BABAM2: variants seen among roughly 807,000 people sequenced by gnomAD.
BABAM2 encodes BRISC and BRCA1-A complex member 2.
Under a neutral mutation model 54.7 loss-of-function variants are expected in BABAM2, and 31 were observed. That is an observed-to-expected ratio of 0.57 (90% confidence interval 0.43 to 0.77). The LOEUF (loss-of-function observed/expected upper bound fraction) is 0.77. Ranked by LOEUF, BABAM2 falls within the 30% of genes least tolerant of loss-of-function variation. BABAM2 has a pLI of 0.00. For synonymous variants in BABAM2, 167 were observed against 162.9 expected (o/e 1.03, Z -0.19); for missense variants, 364 against 455.8 (o/e 0.80, Z 1.83).
At chr2:28,144,014 C>T (rs866687611) in intron 7 of BABAM2, among the ~76,000 whole-genome samples, 4 of 152,182 alleles carry the variant, frequency 2.6e-5, no homozygotes, top group African/African-American at 4.8e-5. Flanking sequence ...CACTGCTTTG[C>T]GGTAACATTT....
At chr2:28,297,040 C>T (rs547890551) in intron 10 of BABAM2, among the ~76,000 whole-genome samples, 12 of 152,218 alleles carry the variant, frequency 7.9e-5, no homozygotes, top group East Asian at 1.9e-4. Context: ...GCTAAAAAGA[C>T]GAACCTTATA....
intron 11 of BABAM2, among the ~76,000 whole-genome samples, chr2:28,321,103 AC>A (rs1293322948): frequency 1.3e-5 from 2 of 152,148 alleles, no homozygotes; most frequent in Non-Finnish European, 2.9e-5. Flanking sequence ...TGTTGAGTTA[AC>A]GTGAAACAGG....
At chr2:27,901,971 A>T (rs571160899) in intron 2 of BABAM2, among the ~76,000 whole-genome samples, 40 of 152,300 alleles carry the variant, frequency 2.6e-4, no homozygotes, top group African/African-American at 8.9e-4. Context: ...GTATAAAGTT[A>T]ATGAGATTTA....
At chr2:28,006,402 C>A (rs1358855982) in intron 4 of BABAM2, among the ~76,000 whole-genome samples, 2 of 152,104 alleles carry the variant, frequency 1.3e-5, no homozygotes, top group East Asian at 1.9e-4. Context: ...CATATAGAGG[C>A]ATCTTTAGAT....
intron 5 of BABAM2, among the ~76,000 whole-genome samples, chr2:28,029,664 G>A (rs540949214): frequency 6.6e-6 from 1 of 152,194 alleles, no homozygotes; most frequent in East Asian, 1.9e-4. Context: ...TTGAACATAG[G>A]TGTGCAACTA....
At chr2:27,974,871 T>C (rs1671478896) in intron 3 of BABAM2, among the ~76,000 whole-genome samples, 1 of 152,058 alleles carries the variant, frequency 6.6e-6, no homozygotes, top group Non-Finnish European at 1.5e-5. Flanking sequence ...ATCCTAGAAC[T>C]TACGAGTTTT....
chr2:28,320,609 GCAGCCTGCCGTGGC>G (rs1689949271), intron 11 of BABAM2, among the ~76,000 whole-genome samples: 1 of 152,234 alleles, frequency 6.6e-6, no homozygotes, highest in Non-Finnish European at 1.5e-5. Context: ...ACATTTAGCT[GCAGCCTGCCGTGGC>G]CAGGCATAGG....
At chr2:28,287,838 A>G (rs1292962284) in intron 10 of BABAM2, among the ~76,000 whole-genome samples, 3 of 152,218 alleles carry the variant, frequency 2.0e-5, no homozygotes, top group African/African-American at 7.2e-5. Context: ...CAGGAGGTGC[A>G]GAGTTCACAC....
rs35951387 is a variant in BABAM2, at chr2:27,945,799, GT to G, written c.205+15904del. Among the ~76,000 whole-genome samples, 157 of 139,044 alleles carry G rather than the reference GT, an allele frequency of 1.1e-3. 1 individual carries two copies. Among genetic ancestry groups the G allele is most frequent in the East Asian group, 5.8e-3 (28 of 4,828 alleles). 91.2% of individuals were successfully genotyped at this position (139,044 alleles called of 152,430 possible). On this transcript the variant is annotated intron_variant, in intron 3 of 11. Transcript: ENST00000379624. ...TCTGATGCCAATTTATAGTAGTGTG[GT>G]TTTTTTTTTTTTGAACTTTGTTTTC...
chr2:27,971,826 T>G (rs1383192613), intron 3 of BABAM2, among the ~76,000 whole-genome samples: 1 of 152,152 alleles, frequency 6.6e-6, no homozygotes, highest in Non-Finnish European at 1.5e-5. Context: ...TACTTTCTTT[T>G]TTATAGTGTC....
At chr2:28,256,198 C>A (rs1348326839) in intron 10 of BABAM2, among the ~76,000 whole-genome samples, 6 of 152,110 alleles carry the variant, frequency 3.9e-5, no homozygotes, top group Admixed American at 2.6e-4. Flanking sequence ...TTTGTTAACA[C>A]ATTAAATAGT....
intron 4 of BABAM2, among the ~76,000 whole-genome samples, chr2:28,007,019 T>C (rs1406425023): frequency 2.0e-5 from 3 of 152,022 alleles, no homozygotes; most frequent in African/African-American, 7.2e-5. Flanking sequence ...CCACTAAAAG[T>C]AGAACATAAT....
rs1690140936 is a variant in BABAM2 at position 28,322,892 on chromosome 2, T to G, written c.1089-15558T>G. On this transcript the variant is annotated intron_variant, in intron 11 of 11. Coordinates refer to ENST00000379624, the MANE Select transcript of BABAM2 (RefSeq NM_199191.3). This position sits in a 1 kb window ranked among gnomAD's most constrained non-coding sequence, Gnocchi z 4.1. Reference sequence around the variant, plus strand: ...TTGTATAAATGTAAATTATCATTATTGTCATTAAAGGGGCTAGACGTCTGG... The same window carrying G: ...TTGTATAAATGTAAATTATCATTATGGTCATTAAAGGGGCTAGACGTCTGG... Among the ~76,000 whole-genome samples the G allele has an allele frequency of 6.6e-6, 1 of 152,232 alleles. No individual in the cohort carries two copies. Among genetic ancestry groups the G allele is most frequent in the African/African-American group, 2.4e-5 (1 of 41,452 alleles).
At chr2:28,078,774 C>A (rs550720490) in intron 6 of BABAM2, among the ~76,000 whole-genome samples, 172 of 152,204 alleles carry the variant, frequency 1.1e-3, no homozygotes, top group African/African-American at 4.1e-3. Context: ...TGTCCAGTAG[C>A]TAGGATATGC....
chr2:28,067,064 T>C (rs1397292052), intron 6 of BABAM2, among the ~76,000 whole-genome samples: 1 of 152,194 alleles, frequency 6.6e-6, no homozygotes, highest in Non-Finnish European at 1.5e-5. Context: ...CCTGAATAGC[T>C]GGGATTACAG....
intron 10 of BABAM2, among the ~76,000 whole-genome samples, chr2:28,280,239 T>A (rs976835511): frequency 2.6e-5 from 4 of 151,846 alleles, no homozygotes; most frequent in Non-Finnish European, 5.9e-5. Flanking sequence ...TTTTTTATTT[T>A]TTGTAGAGAT....
At position 28,276,583 on chromosome 2, in the gene BABAM2, CCTT is replaced by C. The variant is rs557448586; in HGVS notation, c.935-21750_935-21748del. ...CTGCTGGTACACATCACAGTGCCCACCTTCTTCGTGTTTGGCTCACAACCCAAG... is the reference window on the plus strand; with the variant it reads ...CTGCTGGTACACATCACAGTGCCCACCTTCGTGTTTGGCTCACAACCCAAG... On this transcript the variant is annotated intron_variant, in intron 10 of 11. Coordinates refer to ENST00000379624, the MANE Select transcript of BABAM2 (RefSeq NM_199191.3). 3.0e-4 allele frequency among the ~76,000 whole-genome samples: 46 copies of C among 152,276 alleles called. 1 individual carries two copies. In the East Asian group the frequency reaches 8.5e-3, roughly 28 times the overall value.
chr2:28,024,907 C>T (rs1675537224), intron 4 of BABAM2, among the ~76,000 whole-genome samples: 1 of 152,112 alleles, frequency 6.6e-6, no homozygotes, highest in African/African-American at 2.4e-5. Context: ...ATTAAGTCTT[C>T]CAGGGCTAAA....
intron 10 of BABAM2, among the ~76,000 whole-genome samples, chr2:28,268,664 T>C (rs972349275): frequency 6.6e-5 from 10 of 152,248 alleles, no homozygotes; most frequent in Admixed American, 4.6e-4. Flanking sequence ...GTTTTCCTAA[T>C]GCTGTGGAGT....
Sources: allele counts gnomAD v4.1 joint callset (sites outside exome capture counted in the v4.1 genomes callset), GRCh38; gene constraint gnomAD v4.1.1; non-coding constraint Gnocchi (gnomAD v3.1); transcripts MANE v1.5; gene names NCBI Gene and HGNC (gene_info 2026-07-23, HGNC 2026-07-21).